F13A1: variants seen among roughly 807,000 people sequenced by gnomAD.
The protein encoded by F13A1 is coagulation factor XIII A chain, also known as FSF, A subunit.
A neutral mutation model predicts 80.1 loss-of-function variants in F13A1; 47 were observed. That is an observed-to-expected ratio of 0.59 (90% CI 0.46 to 0.75). The LOEUF is 0.75. Ranked by LOEUF, F13A1 falls within the 30% of genes least tolerant of loss-of-function variation. The probability of loss-of-function intolerance (pLI) is 0.00; values close to 1 mark genes in which losing one functional copy is unlikely to be tolerated. For synonymous variants in F13A1, 349 were observed against 344.9 expected (o/e 1.01, Z -0.13); for missense variants, 817 against 930.4 (o/e 0.88, Z 1.59).
intron 2 of F13A1, among the ~76,000 whole-genome samples, chr6:6,316,128 T>C (rs867422922): frequency 0.013 from 1,001 of 77,956 alleles, 193 homozygotes; most frequent in African/African-American, 0.05. Context: ...TATATATATA[T>C]ATATATATAT....
intron 3 of F13A1, among the ~76,000 whole-genome samples, chr6:6,279,682 A>C (rs1030266828): frequency 2.0e-5 from 3 of 152,288 alleles, no homozygotes; most frequent in Non-Finnish European, 2.9e-5. Context: ...CCCCCAGCAA[A>C]TGGCAAGTCT....
intron 3 of F13A1, 61 bp from the exon 4 acceptor site, chr6:6,266,870 C>T: frequency 1.2e-6 from 2 of 1,608,694 alleles, no homozygotes; most frequent in Non-Finnish European, 1.7e-6. Context: ...TTTGTTCTCA[C>T]TCTGTTATCT....
rs1290551002 is a variant in F13A1 at position 6,243,856 on chromosome 6, G to A, written c.798+4456C>T. On this transcript the variant is annotated intron_variant, in intron 6 of 14. Transcript: ENST00000264870. The surrounding 1 kb of genome is among the most constrained non-coding windows in gnomAD (Gnocchi z 4.2). Reference sequence around the variant, plus strand: ...ATGGATGGAGGTGGTACATGTAGGTGTGTCACAGTGAATAACGAGCCTTTA... The same window carrying A: ...ATGGATGGAGGTGGTACATGTAGGTATGTCACAGTGAATAACGAGCCTTTA... Among the ~76,000 whole-genome samples, 1 of 152,252 alleles carries A rather than the reference G, an allele frequency of 6.6e-6. No individual in the cohort carries two copies. The highest frequency in any genetic ancestry group is 1.5e-5 in the Non-Finnish European group (1 of 68,054).
intron 14 of F13A1, among the ~76,000 whole-genome samples, chr6:6,148,769 A>T (rs1760326204): frequency 6.6e-6 from 1 of 152,120 alleles, no homozygotes; most frequent in African/African-American, 2.4e-5. Context: ...CTATGTCATG[A>T]TTTTTAGCCC....
chr6:6,246,524 G>A (rs200621141), intron 6 of F13A1, among the ~76,000 whole-genome samples: 66 of 152,206 alleles, frequency 4.3e-4, no homozygotes, highest in South Asian at 1.0e-3. Context: ...AAACCAAACC[G>A]TTTTCCAAAT....
In F13A1 at chr6:6,174,975, C is replaced by G. The variant is rs375316112; in HGVS notation, c.1460-108G>C. The stretch of plus-strand genomic sequence containing the variant: ...CACTTGTTGGGGTGTTTCTATAATA[C>G]AAGCTTCAGACCTCCCCAGGAGGAG... On this transcript the variant is annotated intron_variant, in intron 11 of 14. Transcript: ENST00000264870. 2.2e-6 allele frequency: 3 copies of G among 1,350,228 alleles called. No individual in the cohort carries two copies. The Admixed American group carries it at 5.6e-5, about 25-fold the overall frequency. The allele number at this position is 1,350,228 out of a possible 1,614,324, so 83.6% of individuals were successfully genotyped here.
At chr6:6,194,005 G>A (rs1470871826) in intron 10 of F13A1, among the ~76,000 whole-genome samples, 1 of 152,190 alleles carries the variant, frequency 6.6e-6, no homozygotes. Context: ...TGATCTTGCT[G>A]TCTGAATTTT....
intron 8 of F13A1, among the ~76,000 whole-genome samples, chr6:6,210,836 C>G (rs1204120466): frequency 6.6e-6 from 1 of 152,210 alleles, no homozygotes. Context: ...TCAAGTGATT[C>G]TCCTGCCTCA....
Position 6,195,853 on chromosome 6 carries a change from C to T in F13A1, c.1249G>A (p.Ala417Thr). The change falls in exon 10 of 15, where the codon GCC (alanine) becomes ACC (threonine). Residue 417 changes from alanine (A) to threonine (T), a missense_variant. Transcript: ENST00000264870. ...AAGCAGACATGGCCGTGCTTGATGG[C>T]TTGAACCGAGGCGGGGCCACACCGA... is the stretch of plus-strand genomic sequence containing the variant. ...MYRCGPASVQ[A>T]IKHGHVCFQF... 1 of 1,614,164 alleles carries T rather than the reference C, an allele frequency of 6.2e-7. No homozygotes were observed. The highest frequency in any genetic ancestry group is 8.5e-7 in the Non-Finnish European group (1 of 1,180,018).
chr6:6,205,018 G>A (rs565644397), intron 8 of F13A1, among the ~76,000 whole-genome samples: 1 of 152,328 alleles, frequency 6.6e-6, no homozygotes, highest in South Asian at 2.1e-4. Flanking sequence ...AGTCATGAAT[G>A]GCCTCATTTG....
At chr6:6,163,864 T>C (rs1224949699) in intron 13 of F13A1, among the ~76,000 whole-genome samples, 1 of 152,222 alleles carries the variant, frequency 6.6e-6, no homozygotes, top group East Asian at 1.9e-4. Flanking sequence ...GGTAGTTCTG[T>C]GTTTAGCTCT....
At chr6:6,169,825 A>G (rs1760741041) in intron 12 of F13A1, among the ~76,000 whole-genome samples, 1 of 152,230 alleles carries the variant, frequency 6.6e-6, no homozygotes, top group Non-Finnish European at 1.5e-5. Flanking sequence ...GTGGATTATT[A>G]GAATGTATTG....
intron 12 of F13A1, among the ~76,000 whole-genome samples, chr6:6,173,548 C>T (rs1305120625): frequency 6.6e-6 from 1 of 152,006 alleles, no homozygotes; most frequent in East Asian, 1.9e-4. Flanking sequence ...GCTGAGACTA[C>T]AGGTGCCTGC....
chr6:6,288,254 A>G (rs1758165524), intron 3 of F13A1, among the ~76,000 whole-genome samples: 1 of 152,262 alleles, frequency 6.6e-6, no homozygotes, highest in Non-Finnish European at 1.5e-5. Flanking sequence ...GCCATGCAGT[A>G]GATCACTAAA....
chr6:6,194,233 T>G (rs1350702822), intron 10 of F13A1, among the ~76,000 whole-genome samples: 1 of 152,032 alleles, frequency 6.6e-6, no homozygotes, highest in Non-Finnish European at 1.5e-5. Flanking sequence ...AAACTCTCCC[T>G]CACTTACAGG....
chr6:6,193,129 G>T (rs1004471980), intron 10 of F13A1, among the ~76,000 whole-genome samples: 5 of 152,258 alleles, frequency 3.3e-5, no homozygotes, highest in Admixed American at 2.0e-4. Flanking sequence ...TAAGCTTCAA[G>T]CCCTGGCAGA....
chr6:6,213,153 C>T (rs1270873842), intron 8 of F13A1, among the ~76,000 whole-genome samples: 16 of 152,124 alleles, frequency 1.1e-4, no homozygotes, highest in Non-Finnish European at 1.6e-4. Flanking sequence ...GGCAGGCCAA[C>T]GTTCAGATTC....
chr6:6,147,741 G>C (rs143683034), intron 14 of F13A1, among the ~76,000 whole-genome samples: 2 of 152,010 alleles, frequency 1.3e-5, no homozygotes, highest in African/African-American at 4.8e-5. Context: ...AAAACCATCC[G>C]GCATAATGAT....
At chr6:6,289,622 C>T (rs1489452151) in intron 3 of F13A1, among the ~76,000 whole-genome samples, 6 of 152,008 alleles carry the variant, frequency 3.9e-5, no homozygotes, top group Admixed American at 6.5e-5. Flanking sequence ...AACAAAATCT[C>T]GGTCCTCCAA....
Sources: gnomAD v4.1 joint callset for allele counts (sites outside exome capture counted in the v4.1 genomes callset) on GRCh38, gnomAD v4.1.1 for gene constraint, Gnocchi (gnomAD v3.1) non-coding constraint, MANE v1.5 for transcripts, NCBI Gene and HGNC (gene_info 2026-07-23, HGNC 2026-07-21) for gene names.